ZBTB20: variants seen among roughly 807,000 people sequenced by gnomAD.
ZBTB20 encodes zinc finger and BTB domain containing 20.
A neutral mutation model predicts 56.9 loss-of-function variants in ZBTB20; 9 were observed. That is an observed-to-expected ratio of 0.16 (90% CI 0.10 to 0.28). The LOEUF (loss-of-function observed/expected upper bound fraction) is 0.28. Ranked by LOEUF, ZBTB20 falls within the 10% of genes least tolerant of loss-of-function variation. The pLI is 1.00. For synonymous variants in ZBTB20, 417 were observed against 420.7 expected (o/e 0.99, Z 0.11); for missense variants, 655 against 1,003.0 (o/e 0.65, Z 4.69).
chr3:114,536,672 A>G (rs1374600402), intron 6 of ZBTB20, among the ~76,000 whole-genome samples: 1 of 152,138 alleles, frequency 6.6e-6, no homozygotes, highest in Non-Finnish European at 1.5e-5. Flanking sequence ...AAAAGAACCC[A>G]TATAGCCAAG....
At chr3:115,106,241 T>G (rs1352239414) in intron 1 of ZBTB20, among the ~76,000 whole-genome samples, 1 of 149,652 alleles carries the variant, frequency 6.7e-6, no homozygotes, top group Non-Finnish European at 1.5e-5. Flanking sequence ...TCTTTTTTTT[T>G]TTTTTTTTTT....
chr3:115,103,880 G>A (rs1046636308), intron 1 of ZBTB20, among the ~76,000 whole-genome samples: 3 of 152,118 alleles, frequency 2.0e-5, no homozygotes, highest in Non-Finnish European at 2.9e-5. Flanking sequence ...GTTCTACTCT[G>A]CAAAAGACAC....
chr3:114,483,693 G>A (rs1004573134), intron 7 of ZBTB20, among the ~76,000 whole-genome samples: 2 of 152,164 alleles, frequency 1.3e-5, no homozygotes, highest in African/African-American at 4.8e-5. Flanking sequence ...TGTAGGACAT[G>A]GGTCGAGGTC....
intron 7 of ZBTB20, among the ~76,000 whole-genome samples, chr3:114,447,575 T>C (rs1398864446): frequency 6.6e-6 from 1 of 152,060 alleles, no homozygotes; most frequent in Non-Finnish European, 1.5e-5. Context: ...TCAGAACAAA[T>C]GCTTCATGTC....
At chr3:114,999,137 G>A (rs2108203280) in intron 2 of ZBTB20, among the ~76,000 whole-genome samples, 1 of 144,452 alleles carries the variant, frequency 6.9e-6, no homozygotes, top group Middle Eastern at 3.5e-3. Flanking sequence ...GAAGAGGAAG[G>A]GGGAAAGGGA....
intron 6 of ZBTB20, among the ~76,000 whole-genome samples, chr3:114,656,105 T>C (rs968691290): frequency 8.5e-5 from 13 of 152,218 alleles, no homozygotes; most frequent in African/African-American, 2.9e-4. Flanking sequence ...TTGTTTTTCT[T>C]TTCAATCATT....
chr3:114,704,855 T>A (rs2063617166), intron 5 of ZBTB20, among the ~76,000 whole-genome samples: 1 of 152,128 alleles, frequency 6.6e-6, no homozygotes, highest in South Asian at 2.1e-4. Flanking sequence ...ATTGAAAGGA[T>A]GAAAACAATT....
At chr3:114,499,060 T>A (rs530859628) in intron 7 of ZBTB20, among the ~76,000 whole-genome samples, 2 of 152,326 alleles carry the variant, frequency 1.3e-5, no homozygotes, top group East Asian at 3.9e-4. Context: ...AAATATGCAG[T>A]GCTAGGTAAC....
At chr3:114,899,660 A>C (rs1253001942) in intron 4 of ZBTB20, among the ~76,000 whole-genome samples, 1 of 152,206 alleles carries the variant, frequency 6.6e-6, no homozygotes, top group East Asian at 1.9e-4. Context: ...GAGTCAGAGT[A>C]CACAAAACAC....
At chr3:114,956,037 T>C (rs546356822) in intron 3 of ZBTB20, among the ~76,000 whole-genome samples, 2 of 152,278 alleles carry the variant, frequency 1.3e-5, no homozygotes, top group African/African-American at 2.4e-5. Context: ...GATTTAGTAT[T>C]AAATATGTTC....
chr3:115,103,879 T>C (rs1401606367), intron 1 of ZBTB20, among the ~76,000 whole-genome samples: 1 of 152,178 alleles, frequency 6.6e-6, no homozygotes, highest in Non-Finnish European at 1.5e-5. Context: ...AGTTCTACTC[T>C]GCAAAAGACA....
Position 114,330,550 on chromosome 3 carries a change from T to C in ZBTB20, c.*8455A>G, listed in dbSNP as rs975629871. On this transcript the variant is annotated 3_prime_UTR_variant, in exon 12 of 12. Transcript: ENST00000675478. ...AAGGAAAAAATAAAACCGAAACAAC[T>C]AATTGTTTTTCCAGTAAAAAGAAAT... The C allele has an allele frequency of 1.3e-5, 2 of 152,168 alleles. No individual in the cohort carries two copies. The highest frequency in any genetic ancestry group is 4.8e-5 in the African/African-American group (2 of 41,440). The allele number at this position is 152,168 out of a possible 1,614,324, so 9.4% of individuals were successfully genotyped here. A position where few individuals can be genotyped will look rare whatever the true frequency, so the allele number is the denominator to read the frequency against.
intron 3 of ZBTB20, among the ~76,000 whole-genome samples, chr3:114,944,500 C>A (rs60464075): frequency 6.9e-6 from 1 of 145,320 alleles, no homozygotes; most frequent in Non-Finnish European, 1.5e-5. Flanking sequence ...GAGGAACTGA[C>A]GTTAGTATGT....
At chr3:114,689,577 C>T (rs1286950559) in intron 6 of ZBTB20, among the ~76,000 whole-genome samples, 1 of 151,944 alleles carries the variant, frequency 6.6e-6, no homozygotes, top group Non-Finnish European at 1.5e-5. Flanking sequence ...ATAAGGAAAC[C>T]TGAAGCAAGA....
In ZBTB20 at chr3:114,466,897, TA is replaced by T. The variant is rs145347492; in HGVS notation, c.-255+33454del. On this transcript the variant is annotated intron_variant, in intron 7 of 11. Coordinates refer to ENST00000675478, the MANE Select transcript of ZBTB20 (RefSeq NM_001348800.3). ...ATAAGTTAATACCGTAAAGCGTTGC[TA>T]AAAAAAATCTGTAGGTTTCAGTGAC... 4.4e-3 allele frequency among the ~76,000 whole-genome samples: 670 copies of T among 152,174 alleles called. 26 individuals carry two copies. Among genetic ancestry groups the T allele is most frequent in the Admixed American group, 0.028 (421 of 15,274 alleles).
intron 1 of ZBTB20, among the ~76,000 whole-genome samples, chr3:115,094,207 G>C (rs996427580): frequency 2.0e-5 from 3 of 151,990 alleles, no homozygotes; most frequent in Non-Finnish European, 4.4e-5. Context: ...CTTACCTAAA[G>C]CTAAGGTAAT....
At chr3:114,381,933 A>G (rs948302877) in intron 8 of ZBTB20, among the ~76,000 whole-genome samples, 2 of 152,204 alleles carry the variant, frequency 1.3e-5, no homozygotes. Context: ...TGATTTTTGA[A>G]TGGTGACTAT....
chr3:114,980,103 A>G (rs2078269489), intron 2 of ZBTB20, among the ~76,000 whole-genome samples: 2 of 151,930 alleles, frequency 1.3e-5, no homozygotes. Context: ...AATACAATCA[A>G]TTTTTTTCTT....
chr3:115,084,576 A>G (rs1056884360), intron 1 of ZBTB20, among the ~76,000 whole-genome samples: 7 of 151,964 alleles, frequency 4.6e-5, no homozygotes, highest in Admixed American at 2.0e-4. Flanking sequence ...TTTTTTTAAA[A>G]GATTAATTTA....
Sources: allele counts gnomAD v4.1 joint callset (sites outside exome capture counted in the v4.1 genomes callset), GRCh38; gene constraint gnomAD v4.1.1; transcripts MANE v1.5; gene names NCBI Gene and HGNC (gene_info 2026-07-23, HGNC 2026-07-21).